The following EXOC4 variants were observed in gnomAD, a reference collection of about 807,000 sequenced individuals.
EXOC4 encodes the protein SEC8-like 1.
EXOC4 carries 71 observed loss-of-function variants against 107.2 expected under a neutral mutation model. The ratio of observed to expected loss-of-function variants is 0.66; its 90% CI spans 0.55 to 0.81. EXOC4 has a LOEUF of 0.81. Ranked by LOEUF, EXOC4 falls within the 30% of genes least tolerant of loss-of-function variation. The probability of loss-of-function intolerance (pLI) is 0.00; values close to 1 mark genes in which losing one functional copy is unlikely to be tolerated. For missense variants in EXOC4, 1,108 were observed against 1,189.6 expected, an observed-to-expected ratio of 0.93 and a Z score of 1.01; for synonymous variants, 456 against 441.2, an observed-to-expected ratio of 1.03 and a Z score of -0.42.
At chr7:133,730,056 A>G (rs988496451) in intron 10 of EXOC4, among the ~76,000 whole-genome samples, 14 of 150,968 alleles carry the variant, frequency 9.3e-5, no homozygotes, top group African/African-American at 3.4e-4. Context: ...AGGAAATAAA[A>G]GATGCAGGCT....
chr7:133,951,015 G>T (rs755048434), intron 14 of EXOC4, among the ~76,000 whole-genome samples: 1 of 152,216 alleles, frequency 6.6e-6, no homozygotes, highest in African/African-American at 2.4e-5. Flanking sequence ...TGCATATGCT[G>T]CTGTATCTGC....
chr7:133,569,845 T>A (rs1191980478), intron 9 of EXOC4, among the ~76,000 whole-genome samples: 1 of 152,244 alleles, frequency 6.6e-6, no homozygotes, highest in Non-Finnish European at 1.5e-5. Context: ...TGGCTTCTGC[T>A]AGAGATTCTG....
chr7:133,429,833 C>G (rs1160334118), intron 7 of EXOC4, among the ~76,000 whole-genome samples: 1 of 152,242 alleles, frequency 6.6e-6, no homozygotes, highest in African/African-American at 2.4e-5. Context: ...CCTTGACCCC[C>G]TCATGGGACT....
At chr7:133,707,613 AT>A (rs1794796462) in intron 10 of EXOC4, among the ~76,000 whole-genome samples, 1 of 151,504 alleles carries the variant, frequency 6.6e-6, no homozygotes, top group Non-Finnish European at 1.5e-5. Flanking sequence ...TTTATTTTTT[AT>A]TTATTTATTT....
Position 133,837,121 on chromosome 7 carries a change from G to GA in EXOC4, c.1734+19583dup, listed in dbSNP as rs200241283. 2.4e-3 allele frequency among the ~76,000 whole-genome samples: 365 copies of GA among 152,262 alleles called. 5 individuals carry two copies. Among genetic ancestry groups the GA allele is most frequent in the African/African-American group, 8.2e-3 (340 of 41,550 alleles). On this transcript the variant is annotated intron_variant, in intron 11 of 17. Transcript: ENST00000253861. ...AAACATGAATAAGCATGGTACAATG[G>GA]AAAAAACTTTGGCCTGGAATTCAAT...
Position 133,717,590 on chromosome 7 carries a change from C to A in EXOC4, c.1514+87449C>A, listed in dbSNP as rs974855146. Among the ~76,000 whole-genome samples the A allele has an allele frequency of 2.6e-5, 4 of 152,114 alleles. No homozygotes were observed. In the South Asian group the frequency reaches 8.3e-4, roughly 32 times the overall value. On this transcript the variant is annotated intron_variant, in intron 10 of 17. Coordinates refer to ENST00000253861, the MANE Select transcript of EXOC4 (RefSeq NM_021807.4). ...AGACAGTATCTTTGTGAATCCAGTG[C>A]CCAGCACGGTACTTGGTGTATTAGA...
At chr7:133,466,593 T>C (rs1301595886) in intron 7 of EXOC4, among the ~76,000 whole-genome samples, 1 of 152,176 alleles carries the variant, frequency 6.6e-6, no homozygotes, top group Admixed American at 6.5e-5. Flanking sequence ...CACACAAATA[T>C]TCTGTCAAAC....
chr7:133,365,843 A>G lies in EXOC4; in HGVS notation c.1008-8985A>G, dbSNP rs149222881. Among the ~76,000 whole-genome samples, 34 of 152,322 alleles carry G rather than the reference A, an allele frequency of 2.2e-4. No homozygotes were observed. In the East Asian group the frequency reaches 6.4e-3, roughly 28 times the overall value. ...AAACAAAGACCATTTTTATCTAATT[A>G]TACGTTTCTTTTTATAAAATTATAA... On this transcript the variant is annotated intron_variant, in intron 6 of 17. Transcript: ENST00000253861.
chr7:133,855,114 AATAT>A (rs760294262), intron 11 of EXOC4, among the ~76,000 whole-genome samples: 1 of 91,492 alleles, frequency 1.1e-5, no homozygotes, highest in African/African-American at 5.4e-5. Context: ...AATATATATA[AATAT>A]ATATATATAA....
At chr7:133,809,792 A>G (rs1338763708) in intron 10 of EXOC4, among the ~76,000 whole-genome samples, 1 of 152,244 alleles carries the variant, frequency 6.6e-6, no homozygotes, top group Non-Finnish European at 1.5e-5. Context: ...GCATATATAA[A>G]TGTACACATT....
chr7:133,454,236 A>C (rs548794558), intron 7 of EXOC4, among the ~76,000 whole-genome samples: 8 of 152,300 alleles, frequency 5.3e-5, no homozygotes, highest in African/African-American at 1.7e-4. Context: ...TTTTCATACT[A>C]AAAGAACCTT....
intron 14 of EXOC4, among the ~76,000 whole-genome samples, chr7:133,943,111 A>G (rs564685909): frequency 1.3e-5 from 2 of 152,322 alleles, no homozygotes; most frequent in East Asian, 3.9e-4. Flanking sequence ...TGGCTGTTAT[A>G]TTGGACAGTA....
At chr7:133,648,810 G>A (rs989525608) in intron 10 of EXOC4, among the ~76,000 whole-genome samples, 1 of 152,080 alleles carries the variant, frequency 6.6e-6, no homozygotes, top group African/African-American at 2.4e-5. Flanking sequence ...TGAATATTTC[G>A]TTTGAGGGGC....
At chr7:133,990,958 G>A (rs1325607665) in intron 14 of EXOC4, among the ~76,000 whole-genome samples, 2 of 152,120 alleles carry the variant, frequency 1.3e-5, no homozygotes, top group Non-Finnish European at 2.9e-5. Flanking sequence ...TGAGATTGCT[G>A]GCTCATATAG....
chr7:133,414,664 G>C (rs1436629874), intron 7 of EXOC4, among the ~76,000 whole-genome samples: 1 of 151,848 alleles, frequency 6.6e-6, no homozygotes, highest in Non-Finnish European at 1.5e-5. Flanking sequence ...ACATACTAAG[G>C]GTAATGTAAA....
chr7:133,770,881 A>G (rs1796231272), intron 10 of EXOC4, among the ~76,000 whole-genome samples: 1 of 151,946 alleles, frequency 6.6e-6, no homozygotes, highest in Non-Finnish European at 1.5e-5. Context: ...TGCATAATAC[A>G]TAGTAAATGC....
At chr7:133,594,080 T>C (rs1801609316) in intron 9 of EXOC4, among the ~76,000 whole-genome samples, 1 of 152,224 alleles carries the variant, frequency 6.6e-6, no homozygotes, top group Admixed American at 6.5e-5. Context: ...CTGAGTGTTA[T>C]TGAGGCAAAA....
chr7:133,339,666 T>C (rs1795613231), intron 5 of EXOC4, among the ~76,000 whole-genome samples: 2 of 152,250 alleles, frequency 1.3e-5, no homozygotes, highest in South Asian at 4.1e-4. Flanking sequence ...CATTTGTTTG[T>C]GTTGCCTATG....
chr7:133,924,432 C>T (rs1352947890), intron 13 of EXOC4, among the ~76,000 whole-genome samples: 1 of 152,140 alleles, frequency 6.6e-6, no homozygotes. Flanking sequence ...TTTCTAGCCT[C>T]ATTCCAGAAA....
Sources: allele counts gnomAD v4.1 joint callset (sites outside exome capture counted in the v4.1 genomes callset), GRCh38; gene constraint gnomAD v4.1.1; transcripts MANE v1.5; gene names NCBI Gene and HGNC (gene_info 2026-07-23, HGNC 2026-07-21).